The following MROH2A variants were observed in gnomAD, a reference collection of about 807,000 sequenced individuals.
MROH2A encodes the protein maestro heat-like repeat-containing protein family member 2A.
A neutral mutation model predicts 200.4 loss-of-function variants in MROH2A; 174 were observed. That is an observed-to-expected ratio of 0.87 (90% CI 0.77 to 0.98). The LOEUF (loss-of-function observed/expected upper bound fraction) is 0.98, where lower values mean the gene tolerates loss of function less well. Among genes scored for constraint, MROH2A ranks in the 50% least tolerant of loss-of-function variants. MROH2A has a pLI of 0.00. For synonymous variants in MROH2A, 829 were observed against 840.4 expected, an observed-to-expected ratio of 0.99 and a Z score of 0.23; for missense variants, 2,045 against 2,139.6, an observed-to-expected ratio of 0.96 and a Z score of 0.87.
chr2:233,805,455 T>C (rs927991630), intron 19 of MROH2A, among the ~76,000 whole-genome samples: 1 of 152,224 alleles, frequency 6.6e-6, no homozygotes, highest in African/African-American at 2.4e-5. Flanking sequence ...GATTGAAAGA[T>C]GCTATAGTTC....
chr2:233,785,049 G>A (rs1319397725), intron 3 of MROH2A, among the ~76,000 whole-genome samples: 2 of 152,112 alleles, frequency 1.3e-5, no homozygotes, highest in Admixed American at 6.5e-5. Flanking sequence ...GGGAGGCTGA[G>A]GCAAGAGAAT....
intron 3 of MROH2A, among the ~76,000 whole-genome samples, chr2:233,788,097 T>TATTA (rs1358644763): frequency 1.1e-4 from 8 of 74,638 alleles, no homozygotes; most frequent in African/African-American, 4.7e-4. Context: ...TATACATATA[T>TATTA]TATATATACA....
At position 233,793,909 on chromosome 2, in the gene MROH2A, G is replaced by A. The variant is rs144897502; in HGVS notation, c.822+85G>A. The A allele has an allele frequency of 6.3e-3, 8,022 of 1,270,526 alleles. 54 individuals carry two copies. Among genetic ancestry groups the A allele is most frequent in the South Asian group, 0.013 (536 of 41,154 alleles). The allele number at this position is 1,270,526 out of a possible 1,614,324, so 78.7% of individuals were successfully genotyped here. A position where few individuals can be genotyped will look rare whatever the true frequency, so the allele number is the denominator to read the frequency against. ...TGGGGCCGGGAGGTGCTGAGGGACCGTCGGGTCCACACTTACTCCCAGGAC... is the reference window on the plus strand; with the variant it reads ...TGGGGCCGGGAGGTGCTGAGGGACCATCGGGTCCACACTTACTCCCAGGAC... On this transcript the variant is annotated intron_variant, in intron 7 of 41. Transcript: ENST00000389758.
intron 3 of MROH2A, among the ~76,000 whole-genome samples, chr2:233,787,007 TAC>T (rs1366396580): frequency 1.3e-5 from 2 of 152,160 alleles, no homozygotes; most frequent in Admixed American, 6.5e-5. Flanking sequence ...CTTTTTTCCC[TAC>T]AGAGATGTAA....
chr2:233,805,679 T>C (rs1370036104), intron 19 of MROH2A, among the ~76,000 whole-genome samples: 1 of 152,170 alleles, frequency 6.6e-6, no homozygotes, highest in African/African-American at 2.4e-5. Flanking sequence ...TAAAACTCCT[T>C]ACACAATTGC....
chr2:233,833,373 A>C lies in MROH2A; in HGVS notation c.*114A>C. ...AAAACACTATTGTAAAATAACTAGT[A>C]TCCTTTTGTTTCCTTCCGTTGAAAT... On this transcript the variant is annotated 3_prime_UTR_variant, in exon 42 of 42. Coordinates refer to ENST00000389758, the MANE Select transcript of MROH2A (RefSeq NM_001394639.1). The C allele has an allele frequency of 8.5e-7, 1 of 1,181,758 alleles. No individual in the cohort carries two copies. Among genetic ancestry groups the C allele is most frequent in the Non-Finnish European group, 1.1e-6 (1 of 876,064 alleles). 73.2% of individuals were successfully genotyped at this position (1,181,758 alleles called of 1,614,324 possible).
intron 35 of MROH2A, among the ~76,000 whole-genome samples, chr2:233,824,918 A>G (rs759563337): frequency 6.6e-5 from 10 of 152,176 alleles, no homozygotes; most frequent in South Asian, 2.1e-4. Flanking sequence ...TTTGGGCAGT[A>G]TGGTCATTTG....
chr2:233,789,529 C>A lies in MROH2A; in HGVS notation c.309C>A (p.Asn103Lys). The change falls in exon 4 of 42, where the codon AAC becomes AAA. Residue 103 changes from asparagine (N) to lysine (K), a missense_variant. Asn to Lys is a moderately conservative substitution (Grantham distance 94, BLOSUM62 0). Around this residue, in one of 3 missense-constraint regions of MROH2A, gnomAD observed 831 missense variants for 800.0 expected, o/e 1.04. Coordinates refer to ENST00000389758, the MANE Select transcript of MROH2A (RefSeq NM_001394639.1). ...CCCAGCGCAAGGTCAACATTTACAA[C>A]ATCCTCCAGGACATCATCCAGCAGG... ...ISTQRKVNIY[N>K]ILQDIIQQEG... 1 of 1,463,078 alleles carries A rather than the reference C, an allele frequency of 6.8e-7. No homozygotes were observed. Among genetic ancestry groups the A allele is most frequent in the Non-Finnish European group, 9.0e-7 (1 of 1,105,598 alleles). The allele number at this position is 1,463,078 out of a possible 1,614,324, so 90.6% of individuals were successfully genotyped here. A position where few individuals can be genotyped will look rare whatever the true frequency, so the allele number is the denominator to read the frequency against.
chr2:233,821,878 GGGCTTCCGTGGGGGCCAT>G (rs1391139657), intron 31 of MROH2A, among the ~76,000 whole-genome samples: 1 of 152,114 alleles, frequency 6.6e-6, no homozygotes, highest in Non-Finnish European at 1.5e-5. Flanking sequence ...AGTGGAGGTG[GGGCTTCCGTGGGGGCCAT>G]GGCTTTCCCA....
Position 233,828,736 on chromosome 2 carries a change from C to T in MROH2A, c.4220C>T (p.Ser1407Phe), listed in dbSNP as rs934556899. The stretch of plus-strand genomic sequence containing the variant: ...GAAGACGAGGCCCTGCGGGTGCTGT[C>T]CCTGCGCGCCCTCGGCAACATGGCC... The part of the protein sequence containing the change: ...QEEDEALRVL[S>F]LRALGNMALG... Residue 1407 changes from serine (S) to phenylalanine (F), a missense_variant, in exon 36 of 42, where the codon TCC becomes TTC. By Grantham distance (155) the Ser-to-Phe change is radical. Coordinates refer to ENST00000389758, the MANE Select transcript of MROH2A (RefSeq NM_001394639.1). The surrounding 1 kb of genome is among the most constrained non-coding windows in gnomAD (Gnocchi z 4.6). The T allele has an allele frequency of 6.4e-7, 1 of 1,550,504 alleles. No individual in the cohort carries two copies.
intron 19 of MROH2A, among the ~76,000 whole-genome samples, chr2:233,805,417 A>C (rs1702730526): frequency 6.6e-6 from 1 of 152,264 alleles, no homozygotes; most frequent in Admixed American, 6.5e-5. Flanking sequence ...TGAGGGTCTC[A>C]ATAAATAGAA....
intron 41 of MROH2A, 86 bp downstream of exon 41, chr2:233,832,730 C>T (rs1412867027): frequency 9.2e-6 from 8 of 866,784 alleles, no homozygotes; most frequent in East Asian, 2.7e-5. Flanking sequence ...AGGGAAGAGC[C>T]AGAGGACCCT....
intron 3 of MROH2A, among the ~76,000 whole-genome samples, chr2:233,787,134 T>A (rs1701243277): frequency 6.6e-6 from 1 of 152,154 alleles, no homozygotes; most frequent in African/African-American, 2.4e-5. Context: ...TTTTGTTATT[T>A]CCAAGTCTTT....
chr2:233,779,784 A>T lies in MROH2A; in HGVS notation c.208A>T (p.Met70Leu). 1 of 1,550,810 alleles carries T rather than the reference A, an allele frequency of 6.4e-7. No homozygotes were observed. Among genetic ancestry groups the T allele is most frequent in the Non-Finnish European group, 8.7e-7 (1 of 1,147,038 alleles). Residue 70 changes from methionine (M) to leucine (L), a missense_variant, in exon 3 of 42, where the codon ATG (methionine) becomes TTG (leucine). This residue lies in a region of MROH2A where 831 missense variants were observed against 800.0 expected (regional missense o/e 1.04). Transcript: ENST00000389758. Reference sequence around the variant, plus strand: ...GAAGACCCTGGCCTCGGTGATAATCATGGAGAAGGCCACCACTGAGCCTTC... The same window carrying T: ...GAAGACCCTGGCCTCGGTGATAATCTTGGAGAAGGCCACCACTGAGCCTTC... ...MRKTLASVII[M>L]EKATTEPSVV...
Position 233,811,354 on chromosome 2 carries a change from C to T in MROH2A, c.2571+438C>T, listed in dbSNP as rs116603386. 2.8e-3 allele frequency among the ~76,000 whole-genome samples: 430 copies of T among 152,330 alleles called. 2 individuals are homozygous for T. Among genetic ancestry groups the T allele is most frequent in the African/African-American group, 9.6e-3 (399 of 41,566 alleles). On this transcript the variant is annotated intron_variant, in intron 23 of 41. Coordinates refer to ENST00000389758, the MANE Select transcript of MROH2A (RefSeq NM_001394639.1). ...GTCCACTGTCCAAAGGCTGATGGAA[C>T]CTGTGGGGCCGCCAATGTCCTTAAT...
At chr2:233,802,343 G>A (rs1375920670) in intron 15 of MROH2A, 28 bp downstream of exon 15, 15 of 1,536,390 alleles carry the variant, frequency 9.8e-6, no homozygotes, top group Non-Finnish European at 1.3e-5. Context: ...CCAGCTGATT[G>A]GATTGGGCAG....
intron 38 of MROH2A, 32 bp downstream of exon 38, chr2:233,829,807 C>T: frequency 3.9e-6 from 5 of 1,292,004 alleles, no homozygotes; most frequent in Non-Finnish European, 4.9e-6. Flanking sequence ...GTGTCCCAGT[C>T]TGGGGCCCGC....
chr2:233,784,682 A>C (rs747468698), intron 3 of MROH2A, among the ~76,000 whole-genome samples: 1 of 152,184 alleles, frequency 6.6e-6, no homozygotes, highest in East Asian at 1.9e-4. Context: ...CACATGATGC[A>C]CTGGCTCCCC....
chr2:233,800,349 C>A, intron 14 of MROH2A, 34 bp downstream of exon 14: 2 of 1,304,868 alleles, frequency 1.5e-6, no homozygotes, highest in South Asian at 1.3e-5. Flanking sequence ...CACAGTGGGT[C>A]ACCACGCCAG....
Sources: allele counts gnomAD v4.1 joint callset (sites outside exome capture counted in the v4.1 genomes callset), GRCh38; gene constraint gnomAD v4.1.1; regional missense constraint gnomAD v4.1.1; non-coding constraint Gnocchi (gnomAD v3.1); transcripts MANE v1.5; gene names NCBI Gene and HGNC (gene_info 2026-07-23, HGNC 2026-07-21).